Variants in DENND2B observed in about 807,000 individuals in gnomAD.
The protein encoded by DENND2B is DENN domain-containing protein 2B.
DENND2B carries 32 observed loss-of-function variants against 116.0 expected under a neutral mutation model. The ratio of observed to expected loss-of-function variants is 0.28; its 90% CI spans 0.21 to 0.37. DENND2B has a LOEUF of 0.37. Ranked by LOEUF, DENND2B falls within the 10% of genes least tolerant of loss-of-function variation. The pLI, the probability that DENND2B is intolerant of heterozygous loss-of-function variation, is 1.00. For missense variants in DENND2B, 1,276 were observed against 1,477.7 expected (o/e 0.86, Z 2.24); for synonymous variants, 588 against 583.9 (o/e 1.01, Z -0.10).
intron 1 of DENND2B, among the ~76,000 whole-genome samples, chr11:8,805,033 C>CTT (rs2060719649): frequency 3.3e-5 from 5 of 152,294 alleles, no homozygotes; most frequent in African/African-American, 1.2e-4. Context: ...ATCCTTACCA[C>CTT]AACTCTATCA....
chr11:8,819,497 G>A (rs994789555), intron 4 of DENND2B, among the ~76,000 whole-genome samples: 6 of 152,208 alleles, frequency 3.9e-5, no homozygotes. Flanking sequence ...TAACCTCACG[G>A]TGGAGAAATG....
upstream of DENND2B, among the ~76,000 whole-genome samples, chr11:8,872,420 G>C (rs1416302601): frequency 1.3e-5 from 2 of 148,802 alleles, no homozygotes; most frequent in East Asian, 3.9e-4. Context: ...CCAGGAGGCA[G>C]AGATTGCAGT....
rs188952527 is a variant in DENND2B at position 8,727,896 on chromosome 11, C to T, written c.1341-1687G>A. ...TCTCATTAAAACTAATAGTTTCTCCCCAGGTTTTTTTTTTTTTTTTTGGCT... is the reference window on the plus strand; with the variant it reads ...TCTCATTAAAACTAATAGTTTCTCCTCAGGTTTTTTTTTTTTTTTTTGGCT... On this transcript the variant is annotated intron_variant, in intron 3 of 19. Transcript: ENST00000313726. 2.6e-3 allele frequency among the ~76,000 whole-genome samples: 378 copies of T among 146,520 alleles called. 2 individuals are homozygous for T. Among genetic ancestry groups the T allele is most frequent in the African/African-American group, 9.1e-3 (366 of 40,154 alleles).
intron 3 of DENND2B, among the ~76,000 whole-genome samples, chr11:8,847,360 C>T (rs1021819708): frequency 6.6e-6 from 1 of 152,188 alleles, no homozygotes; most frequent in Non-Finnish European, 1.5e-5. Flanking sequence ...ATTAATTACA[C>T]TCGCCATTAC....
intron 4 of DENND2B, chr11:8,718,381 A>G (rs117817210): frequency 1.3e-6 from 2 of 1,535,184 alleles, no homozygotes; most frequent in Non-Finnish European, 1.7e-6. Context: ...GCATGGAGGA[A>G]CTCACAGAAC....
At chr11:8,814,197 T>C (rs766558073), upstream of DENND2B, among the ~76,000 whole-genome samples, 2 of 151,548 alleles carry the variant, frequency 1.3e-5, no homozygotes, top group Admixed American at 6.6e-5. Context: ...ACCTTAATTA[T>C]TGCAAAAACC....
rs570635243 is a variant in DENND2B at position 8,750,752 on chromosome 11, CAA to C, written c.-25-29_-25-28del. ...TGCAAAGACGACAATGCCGGTAAGC[CAA>C]GTTTCTATAGGCAGCCAAAAGCACC... On this transcript the variant is annotated intron_variant, in intron 1 of 19. Coordinates refer to ENST00000313726, the MANE Select transcript of DENND2B (RefSeq NM_213618.2). 313 of 1,610,472 alleles carry C rather than the reference CAA, an allele frequency of 1.9e-4. 4 individuals are homozygous for C. In the East Asian group the frequency reaches 5.0e-3, roughly 26 times the overall value.
At chr11:8,897,572 T>A (rs1378026249) in intron 1 of DENND2B, among the ~76,000 whole-genome samples, 1 of 152,066 alleles carries the variant, frequency 6.6e-6, no homozygotes, top group East Asian at 1.9e-4. Flanking sequence ...TTGGGAAAAG[T>A]AACAGACCAG....
intron 2 of DENND2B, among the ~76,000 whole-genome samples, chr11:8,860,781 T>C (rs967824629): frequency 6.6e-6 from 1 of 152,104 alleles, no homozygotes; most frequent in African/African-American, 2.4e-5. Flanking sequence ...TCACGTTACC[T>C]GACTTATACT....
Position 8,707,840 on chromosome 11 carries a change from C to T in DENND2B, c.2367G>A (p.Gly789=), listed in dbSNP as rs1347489495. Reference sequence around the variant, plus strand: ...CACAGTACACCTCTGGCAACCGGGGCCCTTTCCCACTTGGCTGGGCCAGGA... The same window carrying T: ...CACAGTACACCTCTGGCAACCGGGGTCCTTTCCCACTTGGCTGGGCCAGGA... ...YCRRLLPSGK[G]PRLPEVYCVI... is the part of the protein sequence containing the mutation. Residue 789 remains glycine (G), a synonymous_variant, in exon 12 of 20, where the codon GGG becomes GGA. Transcript: ENST00000313726. The surrounding 1 kb of genome is among the most constrained non-coding windows in gnomAD (Gnocchi z 4.8). 1 of 1,610,186 alleles carries T rather than the reference C, an allele frequency of 6.2e-7. No individual in the cohort carries two copies. The highest frequency in any genetic ancestry group is 8.5e-7 in the Non-Finnish European group (1 of 1,178,472).
chr11:8,886,821 T>G (rs2063965874), intron 1 of DENND2B, among the ~76,000 whole-genome samples: 1 of 152,114 alleles, frequency 6.6e-6, no homozygotes, highest in South Asian at 2.1e-4. Flanking sequence ...TTGGTGAAGA[T>G]TTATCTTTTT....
intron 1 of DENND2B, among the ~76,000 whole-genome samples, chr11:8,781,569 G>A (rs1478519302): frequency 6.6e-6 from 1 of 151,800 alleles, no homozygotes; most frequent in Non-Finnish European, 1.5e-5. Flanking sequence ...TATACTGTTG[G>A]ATGTTCTGTA....
chr11:8,783,717 T>C (rs560306294), intron 1 of DENND2B, among the ~76,000 whole-genome samples: 1 of 152,194 alleles, frequency 6.6e-6, no homozygotes, highest in Admixed American at 6.5e-5. Flanking sequence ...AAAAAGAAAA[T>C]AAGGACAATC....
intron 4 of DENND2B, among the ~76,000 whole-genome samples, chr11:8,722,072 G>C (rs2046285941): frequency 6.6e-6 from 1 of 152,244 alleles, no homozygotes. Flanking sequence ...TGTGAGATGG[G>C]ACAGGCGGGA....
chr11:8,697,472 C>A, intron 17 of DENND2B, 53 bp downstream of exon 17: 1 of 1,460,680 alleles, frequency 6.8e-7, no homozygotes, highest in East Asian at 2.3e-5. Context: ...GGCCCTGACC[C>A]AGAGCAGAGG....
chr11:8,711,557 C>T (rs1042699117), intron 9 of DENND2B, among the ~76,000 whole-genome samples: 12 of 151,688 alleles, frequency 7.9e-5, no homozygotes, highest in African/African-American at 2.4e-4. Context: ...CATCTCAGAG[C>T]GGGGCTTAAA....
chr11:8,788,287 G>T (rs1393827810), intron 1 of DENND2B, among the ~76,000 whole-genome samples: 2 of 152,100 alleles, frequency 1.3e-5, no homozygotes, highest in Non-Finnish European at 2.9e-5. Flanking sequence ...CAGGAAGAGG[G>T]GCTCACTGCA....
intron 3 of DENND2B, among the ~76,000 whole-genome samples, chr11:8,842,674 G>A (rs1365520604): frequency 6.6e-6 from 1 of 152,070 alleles, no homozygotes; most frequent in East Asian, 1.9e-4. Context: ...TATTTTTTGG[G>A]ACTGCTCACA....
At chr11:8,829,180 T>A (rs2062105997) in intron 4 of DENND2B, among the ~76,000 whole-genome samples, 1 of 151,424 alleles carries the variant, frequency 6.6e-6, no homozygotes, top group African/African-American at 2.4e-5. Context: ...GTGGTGTGTG[T>A]GGTGTTTGTG....
Sources: allele counts gnomAD v4.1 joint callset (sites outside exome capture counted in the v4.1 genomes callset), GRCh38; gene constraint gnomAD v4.1.1; non-coding constraint Gnocchi (gnomAD v3.1); transcripts MANE v1.5; gene names NCBI Gene and HGNC (gene_info 2026-07-23, HGNC 2026-07-21).